CACNB2: variants seen among roughly 807,000 people sequenced by gnomAD.
CACNB2 encodes the protein voltage-dependent L-type calcium channel subunit beta-2.
In CACNB2, 42 loss-of-function variants were observed where a neutral mutation model predicts 73.3. The ratio of observed to expected loss-of-function variants is 0.57; its 90% CI spans 0.45 to 0.74. The LOEUF is 0.74. CACNB2 is among the 30% of genes least tolerant of loss of function. The probability of loss-of-function intolerance (pLI) is 0.00; values close to 1 mark genes in which losing one functional copy is unlikely to be tolerated. For synonymous variants in CACNB2, 348 were observed against 310.3 expected, an observed-to-expected ratio of 1.12 and a Z score of -1.28; for missense variants, 940 against 853.0, an observed-to-expected ratio of 1.10 and a Z score of -1.27.
chr10:18,426,141 A>AT (rs1404182033), intron 3 of CACNB2, among the ~76,000 whole-genome samples: 2 of 152,222 alleles, frequency 1.3e-5, no homozygotes, highest in East Asian at 1.9e-4. Flanking sequence ...AAAAGAAAAA[A>AT]CACAAACATA....
In CACNB2 at chr10:18,542,337, C is replaced by G. The variant is rs997036937; in HGVS notation, c.*2613C>G. On this transcript the variant is annotated 3_prime_UTR_variant, in exon 14 of 14. Transcript: ENST00000324631. ...AGTAGTCATAATAAACTTGACAATT[C>G]TTACATTGGTAGGAAACCATATTCT... 1 of 152,080 alleles carries G rather than the reference C, an allele frequency of 6.6e-6. No individual in the cohort carries two copies. The highest frequency in any genetic ancestry group is 1.5e-5 in the Non-Finnish European group (1 of 68,024). The allele number at this position is 152,080 out of a possible 1,614,324, so 9.4% of individuals were successfully genotyped here. A position where few individuals can be genotyped will look rare whatever the true frequency, so the allele number is the denominator to read the frequency against.
intron 9 of CACNB2, among the ~76,000 whole-genome samples, chr10:18,525,166 T>G (rs2052346763): frequency 6.6e-6 from 1 of 152,164 alleles, no homozygotes; most frequent in Non-Finnish European, 1.5e-5. Context: ...TCTAGCCTGT[T>G]GCAGTGTAGA....
chr10:18,167,604 G>A (rs1182547059), intron 2 of CACNB2, among the ~76,000 whole-genome samples: 2 of 152,090 alleles, frequency 1.3e-5, no homozygotes, highest in South Asian at 2.1e-4. Context: ...GTGAAAAATT[G>A]TCTTTATTTT....
rs869311555 is a variant in CACNB2, at chr10:18,307,983, CTTTTTTTTT to C, written c.214-93922_214-93914del. On this transcript the variant is annotated intron_variant, in intron 2 of 13. Transcript: ENST00000324631. ...TTAAGTCTAAAATAATATATGCCAA[CTTTTTTTTT>C]TTTTTTTTTTTTTTTTTTGAGGTAG... Among the ~76,000 whole-genome samples, 12 of 70,268 alleles carry C rather than the reference CTTTTTTTTT, an allele frequency of 1.7e-4. 1 individual carries two copies. The highest frequency in any genetic ancestry group is 3.9e-4 in the Admixed American group (2 of 5,150). The allele number at this position is 70,268 out of a possible 152,430, so 46.1% of individuals were successfully genotyped here. A position where few individuals can be genotyped will look rare whatever the true frequency, so the allele number is the denominator to read the frequency against.
At chr10:18,336,042 A>G (rs1301608693) in intron 2 of CACNB2, among the ~76,000 whole-genome samples, 5 of 152,192 alleles carry the variant, frequency 3.3e-5, no homozygotes, top group Admixed American at 6.5e-5. Context: ...GCTGATACTC[A>G]AATATGCCAT....
intron 3 of CACNB2, among the ~76,000 whole-genome samples, chr10:18,464,418 T>TTAAAAAAAA (rs1360690647): frequency 4.9e-4 from 42 of 85,282 alleles, no homozygotes; most frequent in East Asian, 1.6e-3. Context: ...TCTCAAAAAT[T>TTAAAAAAAA]AAAAAAAAAA....
chr10:18,307,816 A>T (rs1256541995), intron 2 of CACNB2, among the ~76,000 whole-genome samples: 2 of 151,930 alleles, frequency 1.3e-5, no homozygotes, highest in Admixed American at 1.3e-4. Context: ...TGTTCAAATC[A>T]ATGATAATGA....
At chr10:18,456,232 A>G (rs2132643548) in intron 3 of CACNB2, among the ~76,000 whole-genome samples, 1 of 152,194 alleles carries the variant, frequency 6.6e-6, no homozygotes, top group South Asian at 2.1e-4. Context: ...GCACTTTGGG[A>G]GGCTGAGGCG....
intron 4 of CACNB2, 31 bp downstream of exon 4, chr10:18,498,508 A>T (rs990682277): frequency 6.2e-7 from 1 of 1,610,818 alleles, no homozygotes; most frequent in Non-Finnish European, 8.5e-7. Context: ...TTCTAACAGC[A>T]TGATGTTTCA....
At position 18,421,302 on chromosome 10, in the gene CACNB2, T is replaced by G. The variant is rs182416746; in HGVS notation, c.333+19259T>G. 7.8e-3 allele frequency among the ~76,000 whole-genome samples: 1,140 copies of G among 146,502 alleles called. 22 individuals are homozygous for G. Among genetic ancestry groups the G allele is most frequent in the African/African-American group, 0.027 (1,075 of 40,138 alleles). On this transcript the variant is annotated intron_variant, in intron 3 of 13. Transcript: ENST00000324631. ...CAGTGTGGTTTTTTTTGTTTTTTTG[T>G]TTTTTTTTTTCTAAGACAGAATTTC...
At chr10:18,515,396 G>A (rs544529554) in intron 7 of CACNB2, among the ~76,000 whole-genome samples, 3 of 151,894 alleles carry the variant, frequency 2.0e-5, no homozygotes, top group South Asian at 4.2e-4. Flanking sequence ...TACTAATGTC[G>A]CCAAGTCTGG....
At chr10:18,465,722 A>C (rs374799167) in intron 3 of CACNB2, among the ~76,000 whole-genome samples, 1 of 150,594 alleles carries the variant, frequency 6.6e-6, no homozygotes, top group Non-Finnish European at 1.5e-5. Flanking sequence ...CCCTTTGTCA[A>C]CCATGCTAGA....
chr10:18,233,929 TC>T (rs1433973190), intron 2 of CACNB2, among the ~76,000 whole-genome samples: 1 of 152,178 alleles, frequency 6.6e-6, no homozygotes, highest in Non-Finnish European at 1.5e-5. Flanking sequence ...CCCTCAAATC[TC>T]CAGTATGTTC....
intron 3 of CACNB2, among the ~76,000 whole-genome samples, chr10:18,472,115 C>T (rs1193926952): frequency 6.6e-6 from 1 of 152,010 alleles, no homozygotes; most frequent in East Asian, 1.9e-4. Flanking sequence ...AGTTTCTCTT[C>T]CCGGCTTTGC....
chr10:18,473,048 A>C (rs1359882153), intron 3 of CACNB2, among the ~76,000 whole-genome samples: 1 of 152,220 alleles, frequency 6.6e-6, no homozygotes, highest in Non-Finnish European at 1.5e-5. Flanking sequence ...TGGTGCAGCC[A>C]AATTTGCATT....
At chr10:18,437,415 A>G (rs2046191867) in intron 3 of CACNB2, among the ~76,000 whole-genome samples, 1 of 152,216 alleles carries the variant, frequency 6.6e-6, no homozygotes, top group Non-Finnish European at 1.5e-5. Context: ...CAAATAGCGT[A>G]TCGTTGACCC....
intron 11 of CACNB2, among the ~76,000 whole-genome samples, chr10:18,534,516 T>G (rs1222443705): frequency 6.6e-6 from 1 of 152,202 alleles, no homozygotes; most frequent in African/African-American, 2.4e-5. Flanking sequence ...TTTCACTGTT[T>G]TGATATTTGC....
chr10:18,534,095 C>G lies in CACNB2; in HGVS notation c.1074C>G (p.Ile358Met), dbSNP rs770240868. The G allele has an allele frequency of 3.1e-6, 5 of 1,614,012 alleles. No individual in the cohort carries two copies. The Middle Eastern group carries it at 8.2e-4, about 266-fold the overall frequency. Residue 358 changes from isoleucine (I) to methionine (M), a missense_variant, in exon 11 of 14, where the codon ATC becomes ATG. Ile to Met is a conservative substitution (Grantham distance 10). Transcript: ENST00000324631. The stretch of plus-strand genomic sequence containing the variant: ...TTACAGCGGAAGTTCAGAGTGAAAT[C>G]GAAAGGATTTTTGAACTTGCAAGAA... ...RSSLAEVQSE[I>M]ERIFELARTL...
intron 3 of CACNB2, among the ~76,000 whole-genome samples, chr10:18,484,512 C>G (rs918384281): frequency 6.6e-6 from 1 of 152,152 alleles, no homozygotes; most frequent in African/African-American, 2.4e-5. Context: ...AGTTATCACT[C>G]AGGAGTTACA....
Sources: allele counts gnomAD v4.1 joint callset (sites outside exome capture counted in the v4.1 genomes callset), GRCh38; gene constraint gnomAD v4.1.1; transcripts MANE v1.5; gene names NCBI Gene and HGNC (gene_info 2026-07-23, HGNC 2026-07-21).